Variants in TFB1M observed in about 807,000 individuals in gnomAD.
The protein encoded by TFB1M is transcription factor B1, mitochondrial.
In TFB1M, 27 loss-of-function variants were observed where a neutral mutation model predicts 31.1. That is an observed-to-expected ratio of 0.87 (90% confidence interval 0.64 to 1.20). The LOEUF (loss-of-function observed/expected upper bound fraction) is 1.20. TFB1M is among the 50% of genes most tolerant of loss of function. The pLI is 0.00. For missense variants in TFB1M, 394 were observed against 418.7 expected, an observed-to-expected ratio of 0.94 and a Z score of 0.51; for synonymous variants, 166 against 151.8, an observed-to-expected ratio of 1.09 and a Z score of -0.69.
chr6:155,284,307 T>C (rs1184642760), intron 5 of TFB1M, among the ~76,000 whole-genome samples: 1 of 152,192 alleles, frequency 6.6e-6, no homozygotes, highest in African/African-American at 2.4e-5. Context: ...TTCCATGCTA[T>C]CTCTTGTTAT....
chr6:155,256,792 C>A lies in TFB1M; in HGVS notation c.*1044G>T. The A allele has an allele frequency of 6.2e-7, 1 of 1,614,202 alleles. No homozygotes were observed. Among genetic ancestry groups the A allele is most frequent in the Non-Finnish European group, 8.5e-7 (1 of 1,180,040 alleles). On this transcript the variant is annotated 3_prime_UTR_variant, in exon 7 of 7. Transcript: ENST00000367166. ...TACTAAAGACATCGAAATTCAGTTCCAGAGACTGAGGATTTCCGAGGACCC... is the reference window on the plus strand; with the variant it reads ...TACTAAAGACATCGAAATTCAGTTCAAGAGACTGAGGATTTCCGAGGACCC...
At chr6:155,291,083 A>G (rs113898613) in intron 4 of TFB1M, among the ~76,000 whole-genome samples, 106 of 152,306 alleles carry the variant, frequency 7.0e-4, no homozygotes, top group African/African-American at 2.4e-3. Context: ...GGGGACATGG[A>G]ACCCTCTGAT....
At chr6:155,253,530 G>A, downstream of TFB1M, 1 of 174,274 alleles carries the variant, frequency 5.7e-6, no homozygotes, top group Non-Finnish European at 1.2e-5. Context: ...CCAGCAGGCT[G>A]AGTCATGCAG....
At chr6:155,248,852 G>T in the TFB1M span, among the ~76,000 whole-genome samples, 1 of 152,174 alleles carries the variant, frequency 6.6e-6, no homozygotes, top group Non-Finnish European at 1.5e-5. Flanking sequence ...AACCATAGGT[G>T]ATAAAATTTA....
At chr6:155,259,669 G>A (rs1647472834) in intron 6 of TFB1M, among the ~76,000 whole-genome samples, 1 of 152,230 alleles carries the variant, frequency 6.6e-6, no homozygotes, top group African/African-American at 2.4e-5. Flanking sequence ...GCCTTCTTAA[G>A]CAGACTATCA....
chr6:155,265,622 A>C (rs1189080269), intron 5 of TFB1M, among the ~76,000 whole-genome samples: 1 of 150,350 alleles, frequency 6.7e-6, no homozygotes, highest in African/African-American at 2.4e-5. Flanking sequence ...TGGAAAGCAA[A>C]GAAGAAAAAA....
chr6:155,269,850 T>C (rs1371968061), intron 5 of TFB1M, among the ~76,000 whole-genome samples: 2 of 152,246 alleles, frequency 1.3e-5, no homozygotes, highest in South Asian at 2.1e-4. Context: ...TAACATTATA[T>C]ACTTAAAGTC....
chr6:155,231,335 A>G, the TFB1M span, among the ~76,000 whole-genome samples: 1 of 152,236 alleles, frequency 6.6e-6, no homozygotes, highest in East Asian at 1.9e-4. Context: ...TGTCTAGTCT[A>G]GAAGACAAAT....
downstream of TFB1M, chr6:155,253,212 G>GACTT: frequency 1.7e-6 from 1 of 599,532 alleles, no homozygotes; most frequent in East Asian, 2.8e-5. Flanking sequence ...TTCCTTAGCA[G>GACTT]ACTTCTGGGA....
chr6:155,268,946 TA>T (rs1204779447), intron 5 of TFB1M, among the ~76,000 whole-genome samples: 148 of 46,368 alleles, frequency 3.2e-3, no homozygotes, highest in Middle Eastern at 0.026. Context: ...AATGATCAAT[TA>T]AAAAAAAAAA....
At position 155,257,789 on chromosome 6, in the gene TFB1M, C is replaced by T. The variant is rs773445305; in HGVS notation, c.*47G>A. 1.7e-5 allele frequency: 28 copies of T among 1,612,060 alleles called. No individual in the cohort carries two copies. In the East Asian group the frequency reaches 2.2e-4, roughly 13 times the overall value. ...AAGAGTACCTATATAAGAAGCTCCA[C>T]GTAGTGCAAATCGACATCTGGTAGG... On this transcript the variant is annotated 3_prime_UTR_variant, in exon 7 of 7. Coordinates refer to ENST00000367166, the MANE Select transcript of TFB1M (RefSeq NM_016020.4).
intron 4 of TFB1M, 116 bp downstream of exon 4, chr6:155,296,837 G>T: frequency 1.0e-6 from 1 of 994,912 alleles, no homozygotes; most frequent in Non-Finnish European, 1.5e-6. Flanking sequence ...CTGGGTTCTT[G>T]TGTGTGTAAT....
intron 5 of TFB1M, among the ~76,000 whole-genome samples, chr6:155,281,051 T>C (rs1785477331): frequency 6.6e-6 from 1 of 152,234 alleles, no homozygotes; most frequent in African/African-American, 2.4e-5. Flanking sequence ...ATAAATTCTA[T>C]ATATAGCTTA....
chr6:155,265,773 A>G (rs899690629), intron 5 of TFB1M, among the ~76,000 whole-genome samples: 1 of 146,592 alleles, frequency 6.8e-6, no homozygotes, highest in Non-Finnish European at 1.5e-5. Context: ...AATATATAAT[A>G]TGTAAATATT....
intron 2 of TFB1M, among the ~76,000 whole-genome samples, chr6:155,310,474 G>A (rs1283238146): frequency 2.0e-5 from 3 of 152,014 alleles, no homozygotes; most frequent in Non-Finnish European, 4.4e-5. Context: ...CTCTTTCTTA[G>A]AAAAGATCAA....
chr6:155,286,057 G>A (rs1776613578), intron 4 of TFB1M, among the ~76,000 whole-genome samples: 1 of 152,064 alleles, frequency 6.6e-6, no homozygotes, highest in African/African-American at 2.4e-5. Context: ...GGCCCAGACA[G>A]ATCAATAAAA....
chr6:155,257,849 T>C lies in TFB1M; in HGVS notation c.1028A>G (p.Asn343Ser), dbSNP rs367707988. Residue 343 changes from asparagine to serine, a missense_variant, in exon 7 of 7, where the codon AAT becomes AGT. Physicochemically the swap from Asn to Ser is conservative, Grantham distance 46. This residue lies in a region of TFB1M where 6 missense variants were observed against 18.1 expected (regional missense o/e 0.33). Coordinates refer to ENST00000367166, the MANE Select transcript of TFB1M (RefSeq NM_016020.4). ...CCCAGGCAGCAGCTAGAGTCTGTAA[T>C]TCTCTGCGTCATCCTCTTCTTTTTC... ...NEEKEEDDAE[N>S]YRL 41 of 1,614,056 alleles carry C rather than the reference T, an allele frequency of 2.5e-5. No individual in the cohort carries two copies. Among genetic ancestry groups the C allele is most frequent in the Non-Finnish European group, 2.0e-5 (24 of 1,180,012 alleles).
chr6:155,272,734 T>A (rs1196713363), intron 5 of TFB1M, among the ~76,000 whole-genome samples: 2 of 152,140 alleles, frequency 1.3e-5, no homozygotes, highest in Admixed American at 1.3e-4. Context: ...AAAAAAGCAT[T>A]TGAATCCAAT....
chr6:155,243,186 G>A, the TFB1M span, among the ~76,000 whole-genome samples: 1 of 152,154 alleles, frequency 6.6e-6, no homozygotes, highest in Non-Finnish European at 1.5e-5. Flanking sequence ...CAGCTCTGTG[G>A]GAGTTTTTTA....
Sources: gnomAD v4.1 joint callset for allele counts (sites outside exome capture counted in the v4.1 genomes callset) on GRCh38, gnomAD v4.1.1 for gene constraint, gnomAD v4.1.1 regional missense constraint, MANE v1.5 for transcripts, NCBI Gene and HGNC (gene_info 2026-07-23, HGNC 2026-07-21) for gene names.